CAT: variants seen among roughly 807,000 people sequenced by gnomAD.
CAT encodes the protein epididymis secretory sperm binding protein.
CAT carries 43 observed loss-of-function variants against 59.0 expected under a neutral mutation model. The observed-to-expected ratio is 0.73, with a 90% CI of 0.57 to 0.94. The LOEUF (loss-of-function observed/expected upper bound fraction) is 0.94. Ranked by LOEUF, CAT falls within the 40% of genes least tolerant of loss-of-function variation. The pLI is 0.00. For synonymous variants in CAT, 218 were observed against 230.9 expected, an observed-to-expected ratio of 0.94 and a Z score of 0.51; for missense variants, 664 against 682.9, an observed-to-expected ratio of 0.97 and a Z score of 0.31.
intron 8 of CAT, 88 bp from the exon 9 acceptor site, chr11:34,461,163 A>G (rs1856645042): frequency 2.1e-6 from 3 of 1,415,342 alleles, no homozygotes; most frequent in South Asian, 2.3e-5. Context: ...AGTGCTTTGT[A>G]CTTCAAATTT....
intron 8 of CAT, among the ~76,000 whole-genome samples, chr11:34,459,590 T>G (rs1856626758): frequency 6.6e-6 from 1 of 152,112 alleles, no homozygotes; most frequent in East Asian, 1.9e-4. Flanking sequence ...GGAAAGGCTT[T>G]CCCACTCACG....
chr11:34,442,519 T>G (rs1856402933), intron 1 of CAT, among the ~76,000 whole-genome samples: 1 of 152,158 alleles, frequency 6.6e-6, no homozygotes, highest in Non-Finnish European at 1.5e-5. Context: ...GATAATCACT[T>G]GAACCCTGGA....
intron 1 of CAT, among the ~76,000 whole-genome samples, chr11:34,439,441 ACCAGGCT>A (rs1395507958): frequency 6.6e-6 from 1 of 152,074 alleles, no homozygotes; most frequent in Non-Finnish European, 1.5e-5. Context: ...GAGAAGTGGA[ACCAGGCT>A]CTAATGGTGC....
intron 2 of CAT, among the ~76,000 whole-genome samples, chr11:34,450,118 A>AT (rs35122257): frequency 0.072 from 10,903 of 152,216 alleles, 612 homozygotes; most frequent in East Asian, 0.24. Context: ...CTAGGAATAG[A>AT]TTTTTTTCTC....
intron 9 of CAT, among the ~76,000 whole-genome samples, chr11:34,463,635 G>A (rs970763694): frequency 2.6e-5 from 4 of 152,236 alleles, no homozygotes; most frequent in Admixed American, 6.5e-5. Context: ...GATTCAAGGA[G>A]CAGAACCAGA....
At chr11:34,458,430 G>A (rs957145208) in intron 8 of CAT, among the ~76,000 whole-genome samples, 2 of 152,172 alleles carry the variant, frequency 1.3e-5, no homozygotes, top group Admixed American at 1.3e-4. Flanking sequence ...TAGAAAAAGC[G>A]ACAACTAGGG....
chr11:34,441,286 T>C (rs1564959571), intron 1 of CAT, among the ~76,000 whole-genome samples: 1 of 152,244 alleles, frequency 6.6e-6, no homozygotes, highest in Non-Finnish European at 1.5e-5. Flanking sequence ...TATATCTATA[T>C]ATCTGCCATC....
At chr11:34,443,091 AT>A (rs1248975803) in intron 1 of CAT, among the ~76,000 whole-genome samples, 1 of 152,154 alleles carries the variant, frequency 6.6e-6, no homozygotes, top group Non-Finnish European at 1.5e-5. Context: ...TTAAAAAAAA[AT>A]CTCCCCTTGC....
intron 8 of CAT, among the ~76,000 whole-genome samples, chr11:34,459,312 G>A (rs1237035105): frequency 3.3e-5 from 5 of 152,196 alleles, no homozygotes; most frequent in Non-Finnish European, 7.3e-5. Flanking sequence ...CCTGCTGAGA[G>A]CTCATGAGTA....
chr11:34,463,668 T>G (rs1415429749), intron 9 of CAT, among the ~76,000 whole-genome samples: 4 of 152,174 alleles, frequency 2.6e-5, no homozygotes, highest in African/African-American at 9.7e-5. Context: ...CCCTCAAGAA[T>G]TTTGTGATGC....
intron 6 of CAT, among the ~76,000 whole-genome samples, chr11:34,455,299 G>A (rs377738056): frequency 1.3e-5 from 2 of 152,080 alleles, no homozygotes; most frequent in African/African-American, 4.8e-5. Context: ...ATCTTTCTGC[G>A]GCACTTGGCT....
intron 1 of CAT, among the ~76,000 whole-genome samples, chr11:34,448,330 G>A (rs1046079248): frequency 1.3e-5 from 2 of 152,162 alleles, no homozygotes; most frequent in Non-Finnish European, 2.9e-5. Flanking sequence ...CGTCACTTAC[G>A]TGTCTCTCCT....
At chr11:34,461,915 G>A (rs151078094) in intron 9 of CAT, among the ~76,000 whole-genome samples, 1 of 152,294 alleles carries the variant, frequency 6.6e-6, no homozygotes, top group Non-Finnish European at 1.5e-5. Context: ...AGAGAGTAGG[G>A]GAGGCAGAGC....
intron 1 of CAT, among the ~76,000 whole-genome samples, chr11:34,446,344 C>T (rs1564960843): frequency 6.6e-6 from 1 of 152,110 alleles, no homozygotes; most frequent in Non-Finnish European, 1.5e-5. Flanking sequence ...GATTCTGAAG[C>T]CTCCATTTGT....
chr11:34,446,414 A>C (rs2133179100), intron 1 of CAT, among the ~76,000 whole-genome samples: 1 of 152,292 alleles, frequency 6.6e-6, no homozygotes, highest in South Asian at 2.1e-4. Flanking sequence ...GGATTCCTTC[A>C]TTGGGCAGGA....
chr11:34,463,868 A>G (rs1469597632), intron 9 of CAT, among the ~76,000 whole-genome samples: 1 of 152,220 alleles, frequency 6.6e-6, no homozygotes, highest in African/African-American at 2.4e-5. Flanking sequence ...ATTCATTCAT[A>G]AAGTGCGGCA....
intron 11 of CAT, among the ~76,000 whole-genome samples, chr11:34,469,680 T>TA (rs1186561186): frequency 3.9e-5 from 6 of 151,900 alleles, no homozygotes; most frequent in African/African-American, 2.4e-5. Flanking sequence ...GGTTTTTTTT[T>TA]TTTAAGATGG....
chr11:34,465,169 G>A (rs2133858731), intron 10 of CAT, among the ~76,000 whole-genome samples: 1 of 152,342 alleles, frequency 6.6e-6, no homozygotes, highest in South Asian at 2.1e-4. Context: ...TTGTTCTAGA[G>A]CTCTGTTTGA....
At chr11:34,462,447 A>G (rs1246509482) in intron 9 of CAT, among the ~76,000 whole-genome samples, 2 of 152,186 alleles carry the variant, frequency 1.3e-5, no homozygotes, top group African/African-American at 4.8e-5. Flanking sequence ...TATTTTTTAG[A>G]CAGAGTCTCA....
Sources: allele counts gnomAD v4.1 joint callset (sites outside exome capture counted in the v4.1 genomes callset), GRCh38; gene constraint gnomAD v4.1.1; transcripts MANE v1.5; gene names NCBI Gene and HGNC (gene_info 2026-07-23, HGNC 2026-07-21).